The following MAGI2 variants were observed in gnomAD, a reference collection of about 807,000 sequenced individuals.
MAGI2 encodes the protein membrane-associated guanylate kinase, WW and PDZ domain-containing protein 2.
MAGI2 carries 35 observed loss-of-function variants against 133.3 expected under a neutral mutation model. That is an observed-to-expected ratio of 0.26 (90% CI 0.20 to 0.35). MAGI2 has a LOEUF of 0.35. Ranked by LOEUF, MAGI2 falls within the 10% of genes least tolerant of loss-of-function variation. The probability of loss-of-function intolerance (pLI) is 1.00; values close to 1 mark genes in which losing one functional copy is unlikely to be tolerated. For synonymous variants in MAGI2, 729 were observed against 710.6 expected (o/e 1.03, Z -0.41); for missense variants, 1,636 against 1,863.4 (o/e 0.88, Z 2.25).
chr7:78,019,426 C>CG lies in MAGI2; in HGVS notation c.4256dup (p.Ala1422ArgfsTer19). On this transcript the variant is annotated frameshift_variant, in exon 22 of 22. Coordinates refer to ENST00000354212, the MANE Select transcript of MAGI2 (RefSeq NM_012301.4). LOFTEE classifies it high-confidence loss of function. The stretch of plus-strand genomic sequence containing the variant: ...CGGCCTTGCGCGCCGGGGCGCCCCC[C>CG]GGGGGTCGCGGGCCCGGCCGGGGAC... 9.5e-7 allele frequency: 1 copy of CG among 1,050,500 alleles called. No individual in the cohort carries two copies. The highest frequency in any genetic ancestry group is 1.1e-6 in the Non-Finnish European group (1 of 873,626). 65.1% of individuals were successfully genotyped at this position (1,050,500 alleles called of 1,614,324 possible). A position where few individuals can be genotyped will look rare whatever the true frequency, so the allele number is the denominator to read the frequency against.
At chr7:78,229,004 G>C (rs1789688603) in intron 10 of MAGI2, among the ~76,000 whole-genome samples, 1 of 152,234 alleles carries the variant, frequency 6.6e-6, no homozygotes, top group Non-Finnish European at 1.5e-5. Flanking sequence ...GCCCACAGGG[G>C]CCTTTCGGCC....
At chr7:78,385,929 C>G (rs1301378976) in intron 6 of MAGI2, among the ~76,000 whole-genome samples, 1 of 152,246 alleles carries the variant, frequency 6.6e-6, no homozygotes, top group Non-Finnish European at 1.5e-5. Context: ...TGGTCTTTTG[C>G]TCAAAGAGGG....
At chr7:78,402,839 C>A (rs1228160670) in intron 6 of MAGI2, among the ~76,000 whole-genome samples, 1 of 151,888 alleles carries the variant, frequency 6.6e-6, no homozygotes, top group Non-Finnish European at 1.5e-5. Flanking sequence ...TTGGTATACA[C>A]AACATATGAA....
intron 6 of MAGI2, among the ~76,000 whole-genome samples, chr7:78,402,956 T>C (rs1424480755): frequency 1.3e-5 from 2 of 152,214 alleles, no homozygotes; most frequent in African/African-American, 2.4e-5. Context: ...GATTTTCTTA[T>C]TAAGTCTTTT....
At chr7:78,924,828 T>C (rs898764064) in intron 2 of MAGI2, among the ~76,000 whole-genome samples, 2 of 150,930 alleles carry the variant, frequency 1.3e-5, no homozygotes, top group African/African-American at 4.9e-5. Context: ...CTGAAATCCC[T>C]TCTACATTAT....
In MAGI2 at chr7:78,135,023, T is replaced by G; in HGVS notation, c.3029A>C (p.Glu1010Ala). ...LSVTLRIIPQEELNSPTSAPS... is the reference protein window; with the variant it reads ...LSVTLRIIPQAELNSPTSAPS... The stretch of plus-strand genomic sequence containing the variant: ...GCAAGGCTGCCTCAGGCACTCACCC[T>G]CCTGAGGAATGATGCGAAGGGTGAC... The change falls in exon 17 of 22, where the codon GAG becomes GCG. Residue 1010 changes from glutamate (E) to alanine (A), a missense_variant and splice_region_variant. Glu to Ala is a moderately radical substitution (Grantham distance 107, BLOSUM62 -1). Coordinates refer to ENST00000354212, the MANE Select transcript of MAGI2 (RefSeq NM_012301.4). 6.2e-7 allele frequency: 1 copy of G among 1,613,708 alleles called. No homozygotes were observed. The highest frequency in any genetic ancestry group is 8.5e-7 in the Non-Finnish European group (1 of 1,179,808).
intron 1 of MAGI2, among the ~76,000 whole-genome samples, chr7:79,026,073 C>T (rs541538441): frequency 2.9e-4 from 44 of 152,304 alleles, no homozygotes; most frequent in South Asian, 1.7e-3. Context: ...TGAAGTCTAT[C>T]AGTTAAAATT....
intron 2 of MAGI2, among the ~76,000 whole-genome samples, chr7:78,765,626 T>C (rs981954631): frequency 3.0e-4 from 45 of 151,892 alleles, no homozygotes; most frequent in African/African-American, 1.1e-3. Flanking sequence ...AGATTACGGG[T>C]GTGAGCCATA....
At position 78,866,567 on chromosome 7, in the gene MAGI2, C is replaced by G. The variant is rs568943019; in HGVS notation, c.418+140523G>C. Among the ~76,000 whole-genome samples the G allele has an allele frequency of 9.2e-5, 14 of 152,106 alleles. No homozygotes were observed. In the East Asian group the frequency reaches 2.2e-3, roughly 23 times the overall value. On this transcript the variant is annotated intron_variant, in intron 2 of 21. Transcript: ENST00000354212. ...GTCCCAGGATTCTTCCATAGTCAAT[C>G]CCCTATGGTCCTGCTAGTTTCCTGC...
At chr7:78,816,266 G>A (rs1445373144) in intron 2 of MAGI2, among the ~76,000 whole-genome samples, 1 of 152,150 alleles carries the variant, frequency 6.6e-6, no homozygotes, top group Non-Finnish European at 1.5e-5. Flanking sequence ...AAGCTAGCAG[G>A]GGTTTGTTAA....
At chr7:78,967,836 G>A (rs887370473) in intron 2 of MAGI2, among the ~76,000 whole-genome samples, 28 of 151,726 alleles carry the variant, frequency 1.8e-4, no homozygotes, top group African/African-American at 6.5e-4. Context: ...TTTGTTTTTT[G>A]TTTGTTTGTT....
intron 1 of MAGI2, among the ~76,000 whole-genome samples, chr7:79,392,208 A>G (rs1844707851): frequency 6.6e-6 from 1 of 152,144 alleles, no homozygotes; most frequent in Non-Finnish European, 1.5e-5. Context: ...TTATGGCTGC[A>G]TAGTATTCCA....
chr7:79,127,995 T>A (rs1376694940), intron 1 of MAGI2, among the ~76,000 whole-genome samples: 2 of 152,154 alleles, frequency 1.3e-5, no homozygotes, highest in African/African-American at 2.4e-5. Context: ...AAGGAAGGGA[T>A]CCAGTTTCAG....
chr7:78,584,431 A>G (rs1212929982), intron 3 of MAGI2, among the ~76,000 whole-genome samples: 3 of 101,406 alleles, frequency 3.0e-5, no homozygotes, highest in African/African-American at 1.0e-4. Flanking sequence ...GAAAAAAAAA[A>G]AAAAAAAAAA....
At chr7:78,118,626 A>C (rs111907836) in intron 20 of MAGI2, among the ~76,000 whole-genome samples, 1 of 152,246 alleles carries the variant, frequency 6.6e-6, no homozygotes, top group African/African-American at 2.4e-5. Flanking sequence ...GCCATCGAGG[A>C]AATGTAAATT....
intron 1 of MAGI2, among the ~76,000 whole-genome samples, chr7:79,085,202 A>G (rs540092587): frequency 1.1e-4 from 16 of 151,904 alleles, no homozygotes; most frequent in Admixed American, 9.2e-4. Context: ...GAAAATTCTC[A>G]ATGTATCTGT....
chr7:78,989,441 C>T (rs1375604687), intron 2 of MAGI2, among the ~76,000 whole-genome samples: 1 of 151,968 alleles, frequency 6.6e-6, no homozygotes, highest in Non-Finnish European at 1.5e-5. Context: ...TGATGGAAGA[C>T]ATGATAGCAC....
intron 1 of MAGI2, among the ~76,000 whole-genome samples, chr7:79,387,638 T>C (rs1844287678): frequency 6.6e-6 from 1 of 152,082 alleles, no homozygotes; most frequent in African/African-American, 2.4e-5. Flanking sequence ...TATGACGTGC[T>C]AAATTTAACT....
At chr7:78,133,945 TA>T (rs1375331070) in intron 17 of MAGI2, 2 of 152,196 alleles carry the variant, frequency 1.3e-5, no homozygotes, top group African/African-American at 2.4e-5. Flanking sequence ...CCAAATCTTT[TA>T]ATTCCTTCTC....
Sources: gnomAD v4.1 joint callset for allele counts (sites outside exome capture counted in the v4.1 genomes callset) on GRCh38, gnomAD v4.1.1 for gene constraint, MANE v1.5 for transcripts, NCBI Gene and HGNC (gene_info 2026-07-23, HGNC 2026-07-21) for gene names.